Variants in CSMD1 observed in about 807,000 individuals in gnomAD.
CSMD1 encodes CUB and Sushi multiple domains 1.
In CSMD1, 213 loss-of-function variants were observed where a neutral mutation model predicts 417.5. The ratio of observed to expected loss-of-function variants is 0.51; its 90% CI spans 0.46 to 0.57. CSMD1 has a LOEUF of 0.57. CSMD1 is among the 20% of genes least tolerant of loss of function. The probability of loss-of-function intolerance (pLI) is 0.00; values close to 1 mark genes in which losing one functional copy is unlikely to be tolerated. For synonymous variants in CSMD1, 2,862 were observed against 1,736.8 expected, an observed-to-expected ratio of 1.65 and a Z score of -16.11; for missense variants, 6,923 against 4,529.7, an observed-to-expected ratio of 1.53 and a Z score of -15.17.
At chr8:4,147,296 C>G (rs910568693) in intron 3 of CSMD1, among the ~76,000 whole-genome samples, 2 of 152,140 alleles carry the variant, frequency 1.3e-5, no homozygotes, top group African/African-American at 4.8e-5. Flanking sequence ...ACAAAGTTCC[C>G]AGCGGGGAAG....
chr8:4,438,575 G>T (rs1270494081), intron 2 of CSMD1, among the ~76,000 whole-genome samples: 2 of 152,166 alleles, frequency 1.3e-5, no homozygotes, highest in African/African-American at 4.8e-5. Flanking sequence ...GGAGTGTGGG[G>T]AGCCCTGCAC....
chr8:4,652,559 G>T (rs1381379854), intron 1 of CSMD1, among the ~76,000 whole-genome samples: 1 of 152,024 alleles, frequency 6.6e-6, no homozygotes, highest in South Asian at 2.1e-4. Flanking sequence ...GGTTGAGGCA[G>T]GAGAATCGCT....
intron 7 of CSMD1, among the ~76,000 whole-genome samples, chr8:3,630,910 G>T (rs542543628): frequency 6.6e-6 from 1 of 152,266 alleles, no homozygotes; most frequent in East Asian, 1.9e-4. Flanking sequence ...TTAGAGAGCC[G>T]AGATCTCTTA....
intron 3 of CSMD1, among the ~76,000 whole-genome samples, chr8:4,293,115 C>T (rs960579071): frequency 5.3e-5 from 8 of 152,114 alleles, no homozygotes; most frequent in African/African-American, 1.9e-4. Context: ...AGGGGGCTAC[C>T]AGCATCGCCC....
chr8:3,931,156 G>A (rs1015019003), intron 5 of CSMD1, among the ~76,000 whole-genome samples: 32 of 150,496 alleles, frequency 2.1e-4, no homozygotes, highest in Admixed American at 1.4e-3. Flanking sequence ...GCTAAACATC[G>A]TCTGCATCTT....
intron 3 of CSMD1, among the ~76,000 whole-genome samples, chr8:4,077,849 A>G (rs903056300): frequency 6.6e-6 from 1 of 152,154 alleles, no homozygotes; most frequent in African/African-American, 2.4e-5. Context: ...TTGAGCCTAA[A>G]TATGCCTCCT....
intron 1 of CSMD1, among the ~76,000 whole-genome samples, chr8:4,843,034 T>G (rs916432540): frequency 1.3e-5 from 2 of 152,112 alleles, no homozygotes; most frequent in Non-Finnish European, 2.9e-5. Context: ...ATCAACTGAG[T>G]GAAGTCAAAA....
At chr8:3,597,172 G>T (rs895606842) in intron 8 of CSMD1, among the ~76,000 whole-genome samples, 2 of 152,136 alleles carry the variant, frequency 1.3e-5, no homozygotes, top group South Asian at 4.1e-4. Flanking sequence ...ATGCCCCAGG[G>T]GTCATACTTT....
chr8:3,148,117 G>C (rs951350042), intron 40 of CSMD1, among the ~76,000 whole-genome samples: 5 of 152,174 alleles, frequency 3.3e-5, no homozygotes, highest in African/African-American at 1.2e-4. Context: ...AAATGTTCCA[G>C]AATCACTTTA....
intron 5 of CSMD1, among the ~76,000 whole-genome samples, chr8:3,958,343 TG>T (rs1812109112): frequency 6.6e-6 from 1 of 151,554 alleles, no homozygotes. Flanking sequence ...TTTTCCAACT[TG>T]CTCTTTGAAC....
At chr8:4,043,387 C>G (rs1797991521) in intron 3 of CSMD1, among the ~76,000 whole-genome samples, 1 of 152,004 alleles carries the variant, frequency 6.6e-6, no homozygotes, top group African/African-American at 2.4e-5. Context: ...ACAGCCACAC[C>G]AATAAACATA....
Position 3,031,983 on chromosome 8 carries a change from T to C in CSMD1, c.7661-2470A>G, listed in dbSNP as rs541978856. ...ATGTGTGTATGTGTGTGTATATATATATATATACACATAATATAATTATAT... is the reference window on the plus strand; with the variant it reads ...ATGTGTGTATGTGTGTGTATATATACATATATACACATAATATAATTATAT... On this transcript the variant is annotated intron_variant, in intron 50 of 69. Coordinates refer to ENST00000635120, the MANE Select transcript of CSMD1 (RefSeq NM_033225.6). Among the ~76,000 whole-genome samples the C allele has an allele frequency of 6.6e-5, 10 of 150,668 alleles. No individual in the cohort carries two copies. The South Asian group carries it at 2.1e-3, about 32-fold the overall frequency.
chr8:4,566,304 G>C (rs1487054616), intron 2 of CSMD1, among the ~76,000 whole-genome samples: 1 of 152,066 alleles, frequency 6.6e-6, no homozygotes, highest in East Asian at 1.9e-4. Flanking sequence ...ATTTAGAAAG[G>C]AAAGCCATTG....
At chr8:4,396,656 T>C (rs1267086481) in intron 3 of CSMD1, among the ~76,000 whole-genome samples, 1 of 151,580 alleles carries the variant, frequency 6.6e-6, no homozygotes, top group African/African-American at 2.4e-5. Flanking sequence ...TATCTATATA[T>C]CTCCCCATAC....
intron 7 of CSMD1, among the ~76,000 whole-genome samples, chr8:3,688,294 G>C (rs1157175297): frequency 3.3e-5 from 5 of 152,078 alleles, no homozygotes; most frequent in Non-Finnish European, 5.9e-5. Flanking sequence ...CTATAATAGA[G>C]GTGTAAAGGA....
intron 12 of CSMD1, among the ~76,000 whole-genome samples, chr8:3,448,397 G>GGGAA (rs1320964818): frequency 1.5e-5 from 2 of 131,502 alleles, no homozygotes; most frequent in African/African-American, 2.9e-5. Flanking sequence ...GGAGGAGGAA[G>GGGAA]GGAAGGAAGG....
intron 2 of CSMD1, among the ~76,000 whole-genome samples, chr8:4,553,479 T>G (rs915671983): frequency 1.3e-5 from 2 of 152,116 alleles, no homozygotes; most frequent in African/African-American, 4.8e-5. Flanking sequence ...GCAAACCATT[T>G]TATTCAAAAA....
At chr8:4,015,827 G>C (rs768380342) in intron 4 of CSMD1, among the ~76,000 whole-genome samples, 8 of 152,146 alleles carry the variant, frequency 5.3e-5, no homozygotes, top group Non-Finnish European at 1.0e-4. Context: ...TAAGCAAGCG[G>C]CGTAACTTCC....
chr8:3,781,400 G>C (rs1453222563), intron 5 of CSMD1, among the ~76,000 whole-genome samples: 1 of 152,172 alleles, frequency 6.6e-6, no homozygotes, highest in Admixed American at 6.5e-5. Context: ...AGCTTGTGCT[G>C]TGAGGCCAGG....
Sources: allele counts gnomAD v4.1 joint callset (sites outside exome capture counted in the v4.1 genomes callset), GRCh38; gene constraint gnomAD v4.1.1; transcripts MANE v1.5; gene names NCBI Gene and HGNC (gene_info 2026-07-23, HGNC 2026-07-21).